The following IL1R1 variants were observed in gnomAD, a reference collection of about 807,000 sequenced individuals.
IL1R1 encodes interleukin 1 receptor type 1.
A neutral mutation model predicts 50.2 loss-of-function variants in IL1R1; 22 were observed. That is an observed-to-expected ratio of 0.44 (90% CI 0.31 to 0.63). The LOEUF is 0.63. Ranked by LOEUF, IL1R1 falls within the 20% of genes least tolerant of loss-of-function variation. IL1R1 has a pLI of 0.07. For missense variants in IL1R1, 509 were observed against 676.2 expected (o/e 0.75, Z 2.74); for synonymous variants, 251 against 236.7 (o/e 1.06, Z -0.55).
At chr2:102,102,880 G>C (rs927930974), upstream of IL1R1, among the ~76,000 whole-genome samples, 4 of 152,102 alleles carry the variant, frequency 2.6e-5, no homozygotes, top group African/African-American at 9.7e-5. Flanking sequence ...CCATTCTTCT[G>C]AGAACTAACA....
At chr2:102,171,435 A>T (rs1413998106) in intron 7 of IL1R1, among the ~76,000 whole-genome samples, 1 of 152,240 alleles carries the variant, frequency 6.6e-6, no homozygotes, top group African/African-American at 2.4e-5. Context: ...GTGAAAAATT[A>T]GGAAATTGTG....
intron 1 of IL1R1, among the ~76,000 whole-genome samples, chr2:102,080,453 G>A (rs184365038): frequency 3.4e-4 from 52 of 152,188 alleles, no homozygotes; most frequent in Middle Eastern, 6.8e-3. Context: ...ATAGATAAAG[G>A]GTTGCTAAGC....
intron 7 of IL1R1, among the ~76,000 whole-genome samples, chr2:102,171,522 G>A (rs1344985313): frequency 6.6e-6 from 1 of 152,078 alleles, no homozygotes; most frequent in African/African-American, 2.4e-5. Flanking sequence ...GTCTATTTTG[G>A]AAGACAAATC....
At chr2:102,138,180 A>ATTC (rs1285620515), upstream of IL1R1, among the ~76,000 whole-genome samples, 1 of 152,320 alleles carries the variant, frequency 6.6e-6, no homozygotes, top group African/African-American at 2.4e-5. Flanking sequence ...TGTTAAAGCA[A>ATTC]TCAGAAGCCA....
chr2:102,140,743 A>G (rs961184943), upstream of IL1R1, among the ~76,000 whole-genome samples: 6 of 152,168 alleles, frequency 3.9e-5, no homozygotes, highest in African/African-American at 1.4e-4. Context: ...GAAAGGAAAT[A>G]AAGGGAAGGA....
chr2:102,078,587 C>T (rs1679076498), intron 1 of IL1R1, among the ~76,000 whole-genome samples: 1 of 146,906 alleles, frequency 6.8e-6, no homozygotes, highest in Non-Finnish European at 1.5e-5. Context: ...CACACACACA[C>T]ACACACACAC....
chr2:102,160,477 A>T (rs1450966751), intron 3 of IL1R1, among the ~76,000 whole-genome samples: 4 of 152,094 alleles, frequency 2.6e-5, no homozygotes, highest in Non-Finnish European at 1.5e-5. Flanking sequence ...ACATTCTGGA[A>T]GATGTTTCAT....
In IL1R1 at chr2:102,165,150, C is replaced by A. The variant is rs2104575463; in HGVS notation, c.332C>A (p.Ala111Glu). Reference sequence around the variant, plus strand: ...TACTGCCTCAGAATTAAAATAAGTGCAAAATTTGTGGAGAATGAGCCTAAC... The same window carrying A: ...TACTGCCTCAGAATTAAAATAAGTGAAAAATTTGTGGAGAATGAGCCTAAC... ...SSYCLRIKIS[A>E]KFVENEPNLC... The change falls in exon 5 of 12, where the codon GCA becomes GAA. Residue 111 changes from alanine to glutamate, a missense_variant. Ala to Glu is a moderately radical substitution (Grantham distance 107). Transcript: ENST00000410023. 5 of 1,578,110 alleles carry A rather than the reference C, an allele frequency of 3.2e-6. No individual in the cohort carries two copies. Among genetic ancestry groups the A allele is most frequent in the Non-Finnish European group, 4.3e-6 (5 of 1,168,574 alleles).
chr2:102,163,704 A>G (rs571349352), intron 3 of IL1R1, among the ~76,000 whole-genome samples: 2 of 152,098 alleles, frequency 1.3e-5, no homozygotes, highest in South Asian at 2.1e-4. Flanking sequence ...GTTTTGACTG[A>G]TCGATTTTTT....
At chr2:102,172,031 C>CTTTTTTTTTTTTTTTTTTTTTTTTTTTT (rs35265416) in intron 8 of IL1R1, 113 bp downstream of exon 8, 1 of 87,246 alleles carries the variant, frequency 1.1e-5, no homozygotes, top group Non-Finnish European at 2.0e-5. Context: ...CCTTTGCTGC[C>CTTTTTTTTTTTTTTTTTTTTTTTTTTTT]TTTTTTTTTT....
Position 102,157,925 on chromosome 2 carries a change from C to A in IL1R1, c.61+140C>A, listed in dbSNP as rs557357562. 7.6e-5 allele frequency: 48 copies of A among 634,308 alleles called. 1 individual carries two copies. The highest frequency in any genetic ancestry group is 4.0e-4 in the South Asian group (21 of 53,160). The allele number at this position is 634,308 out of a possible 1,614,324, so 39.3% of individuals were successfully genotyped here. A position where few individuals can be genotyped will look rare whatever the true frequency, so the allele number is the denominator to read the frequency against. ...GGCACAGAGCCTCCTGGTCATAGAC[C>A]TGTACTGCTGGAAGTTCCTCTCAGC... On this transcript the variant is annotated intron_variant, in intron 3 of 11. Transcript: ENST00000410023.
At chr2:102,088,435 C>A (rs1484217158) in intron 1 of IL1R1, among the ~76,000 whole-genome samples, 1 of 151,574 alleles carries the variant, frequency 6.6e-6, no homozygotes, top group Non-Finnish European at 1.5e-5. Flanking sequence ...TTTTTTTCCC[C>A]TGAGAACTAG....
At chr2:102,090,150 A>ATTTT (rs985139200) in intron 1 of IL1R1, among the ~76,000 whole-genome samples, 1 of 133,248 alleles carries the variant, frequency 7.5e-6, no homozygotes, top group Non-Finnish European at 1.6e-5. Context: ...TTTTTTTTCA[A>ATTTT]TTTTTTTTTT....
chr2:102,155,428 C>T (rs1253290757), intron 2 of IL1R1, among the ~76,000 whole-genome samples: 3 of 152,204 alleles, frequency 2.0e-5, no homozygotes, highest in Non-Finnish European at 4.4e-5. Flanking sequence ...GCCAGTCAGG[C>T]CTGGCCCTGC....
upstream of IL1R1, chr2:102,141,821 T>C (rs990917835): frequency 1.3e-5 from 2 of 152,202 alleles, no homozygotes; most frequent in African/African-American, 4.8e-5. Flanking sequence ...GAGGGGCCAG[T>C]CACTTGCTGA....
At chr2:102,129,005 C>G (rs1226245911) in intron 1 of IL1R1, among the ~76,000 whole-genome samples, 1 of 151,976 alleles carries the variant, frequency 6.6e-6, no homozygotes, top group Non-Finnish European at 1.5e-5. Flanking sequence ...AGTTTGTGCC[C>G]AGCTTGGGCC....
At chr2:102,118,485 G>C (rs1681217421) in intron 1 of IL1R1, among the ~76,000 whole-genome samples, 1 of 152,172 alleles carries the variant, frequency 6.6e-6, no homozygotes. Context: ...AGGAACCCTG[G>C]TTTACAGCTG....
chr2:102,176,654 G>A lies in IL1R1; in HGVS notation c.1605G>A (p.Arg535=), dbSNP rs141357524. Residue 535 remains arginine (R), a synonymous_variant, in exon 12 of 12, where the codon AGG becomes AGA. Coordinates refer to ENST00000410023, the MANE Select transcript of IL1R1 (RefSeq NM_000877.4). ...SAKTRFWKNV[R]YHMPVQRRSP... is the part of the protein sequence containing the mutation. Reference sequence around the variant, plus strand: ...AGACAAGGTTCTGGAAGAATGTCAGGTACCACATGCCAGTCCAGCGACGGT... The same window carrying A: ...AGACAAGGTTCTGGAAGAATGTCAGATACCACATGCCAGTCCAGCGACGGT... The A allele has an allele frequency of 4.6e-5, 75 of 1,614,150 alleles. 1 individual carries two copies. In the Middle Eastern group the frequency reaches 4.9e-4, roughly 11 times the overall value.
intron 1 of IL1R1, among the ~76,000 whole-genome samples, chr2:102,095,733 G>T (rs189677434): frequency 3.3e-5 from 5 of 152,146 alleles, no homozygotes; most frequent in Admixed American, 1.3e-4. Context: ...GGCCGGGCAC[G>T]GTGGCTCACG....
Sources: gnomAD v4.1 joint callset for allele counts (sites outside exome capture counted in the v4.1 genomes callset) on GRCh38, gnomAD v4.1.1 for gene constraint, MANE v1.5 for transcripts, NCBI Gene and HGNC (gene_info 2026-07-23, HGNC 2026-07-21) for gene names.